The following NSD1 variants were observed in gnomAD, a reference collection of about 807,000 sequenced individuals.
The protein encoded by NSD1 is histone-lysine N-methyltransferase, H3 lysine-36 specific.
A neutral mutation model predicts 242.7 loss-of-function variants in NSD1; 26 were observed. That is an observed-to-expected ratio of 0.11 (90% CI 0.08 to 0.15). NSD1 has a LOEUF of 0.15. NSD1 is among the 10% of genes least tolerant of loss of function. NSD1 has a pLI of 1.00. For synonymous variants in NSD1, 1,106 were observed against 1,178.1 expected, an observed-to-expected ratio of 0.94 and a Z score of 1.25; for missense variants, 2,495 against 3,272.8, an observed-to-expected ratio of 0.76 and a Z score of 5.80.
chr5:177,259,977 T>A lies in NSD1; in HGVS notation c.4967-12T>A, dbSNP rs1424848993. ...GTTTTTCTTTTGCTTGTCCCTGATT[T>A]TCCTGCTTTAGGTCGGTTGATGCGC... On this transcript the variant is annotated splice_polypyrimidine_tract_variant and intron_variant, in intron 13 of 22. Transcript: ENST00000439151. 4.3e-6 allele frequency: 7 copies of A among 1,614,088 alleles called. No homozygotes were observed. Among genetic ancestry groups the A allele is most frequent in the African/African-American group, 2.7e-5 (2 of 74,938 alleles).
In NSD1 at chr5:177,254,774, A is replaced by C. The variant is rs529303065; in HGVS notation, c.4766-2177A>C. Among the ~76,000 whole-genome samples, 4 of 107,966 alleles carry C rather than the reference A, an allele frequency of 3.7e-5. No individual in the cohort carries two copies. The East Asian group carries it at 8.4e-4, about 23-fold the overall frequency. The allele number at this position is 107,966 out of a possible 152,430, so 70.8% of individuals were successfully genotyped here. A position where few individuals can be genotyped will look rare whatever the true frequency, so the allele number is the denominator to read the frequency against. On this transcript the variant is annotated intron_variant, in intron 12 of 22. Transcript: ENST00000439151. ...TTTTTTAGTTTCACATTTCACTATTAGGTCTGTGATGTGTTTTGTATTAAA... is the reference window on the plus strand; with the variant it reads ...TTTTTTAGTTTCACATTTCACTATTCGGTCTGTGATGTGTTTTGTATTAAA...
At chr5:177,158,236 A>AATTTATTTCTTT in intron 2 of NSD1, among the ~76,000 whole-genome samples, 1 of 112,928 alleles carries the variant, frequency 8.9e-6, no homozygotes, top group African/African-American at 3.2e-5. Context: ...TATGGGTTCT[A>AATTTATTTCTTT]ATTTCTTTCT....
intron 2 of NSD1, among the ~76,000 whole-genome samples, chr5:177,139,757 C>G (rs1308613990): frequency 6.6e-6 from 1 of 152,038 alleles, no homozygotes; most frequent in Non-Finnish European, 1.5e-5. Context: ...GAGTTTGAAA[C>G]TAGACTGGGC....
chr5:177,205,600 T>C (rs1290042555), intron 4 of NSD1, among the ~76,000 whole-genome samples: 1 of 151,994 alleles, frequency 6.6e-6, no homozygotes, highest in Non-Finnish European at 1.5e-5. Flanking sequence ...TTTAAATACA[T>C]TTATAATGGT....
intron 2 of NSD1, among the ~76,000 whole-genome samples, chr5:177,150,454 C>T (rs145998038): frequency 4.8e-4 from 73 of 151,630 alleles, no homozygotes; most frequent in Non-Finnish European, 9.2e-4. Flanking sequence ...GAAAACGTTG[C>T]TTCCATTTTT....
chr5:177,295,057 T>A lies in NSD1; in HGVS notation c.7689T>A (p.Ala2563=), dbSNP rs1360648872. 1 of 1,613,382 alleles carries A rather than the reference T, an allele frequency of 6.2e-7. No homozygotes were observed. Among genetic ancestry groups the A allele is most frequent in the Non-Finnish European group, 8.5e-7 (1 of 1,179,712 alleles). ...TQASGRASAG[A]EQTPGPLSQS... Reference sequence around the variant, plus strand: ...CCTCAGGAAGAGCTTCTGCAGGGGCTGAGCAGACCCCAGGGCCTCTTAGCC... The same window carrying A: ...CCTCAGGAAGAGCTTCTGCAGGGGCAGAGCAGACCCCAGGGCCTCTTAGCC... Residue 2563 remains alanine, a synonymous_variant, in exon 23 of 23, where the codon GCT becomes GCA. Coordinates refer to ENST00000439151, the MANE Select transcript of NSD1 (RefSeq NM_022455.5). The surrounding 1 kb of genome is among the most constrained non-coding windows in gnomAD (Gnocchi z 4.3).
chr5:177,210,381 G>A lies in NSD1; in HGVS notation c.1982G>A (p.Ser661Asn). 6.2e-7 allele frequency: 1 copy of A among 1,614,152 alleles called. No individual in the cohort carries two copies. The highest frequency in any genetic ancestry group is 8.5e-7 in the Non-Finnish European group (1 of 1,180,034). The part of the protein sequence containing the change: ...PIEHSSESDN[S>N]VLEIPDAFDR... ...GAACACAGCTCAGAGTCTGATAACA[G>A]TGTCCTTGAAATTCCAGATGCTTTC... The change falls in exon 5 of 23, where the codon AGT becomes AAT. Residue 661 changes from serine to asparagine, a missense_variant. By Grantham distance (46) the Ser-to-Asn change is conservative. Transcript: ENST00000439151.
chr5:177,190,981 CTTTTTT>C (rs1182246710), intron 2 of NSD1, among the ~76,000 whole-genome samples: 1 of 71,172 alleles, frequency 1.4e-5, no homozygotes, highest in Admixed American at 1.7e-4. Context: ...TTTTTTTTTT[CTTTTTT>C]TTTTTTGAAG....
chr5:177,179,546 A>G lies in NSD1; in HGVS notation c.928-12338A>G, dbSNP rs184476010. On this transcript the variant is annotated intron_variant, in intron 2 of 22. Transcript: ENST00000439151. The stretch of plus-strand genomic sequence containing the variant: ...GTTTTTTAAATTTTTATGTTTCCAA[A>G]TAAATCATACACAGAGCACAAGTAT... Among the ~76,000 whole-genome samples, 17 of 152,312 alleles carry G rather than the reference A, an allele frequency of 1.1e-4. No individual in the cohort carries two copies. In the East Asian group the frequency reaches 2.9e-3, roughly 26 times the overall value.
At position 177,134,497 on chromosome 5, in the gene NSD1, C is replaced by T. The variant is rs1240508555; in HGVS notation, c.-18+545C>T. On this transcript the variant is annotated intron_variant, in intron 1 of 22. Coordinates refer to ENST00000439151, the MANE Select transcript of NSD1 (RefSeq NM_022455.5). The surrounding 1 kb of genome is among the most constrained non-coding windows in gnomAD (Gnocchi z 4.2). ...GCCGGGTCCAGGCCTCTTCGCCCTG[C>T]AGCTGCGGATCCAGCAGGCCTGCAT... is the stretch of plus-strand genomic sequence containing the variant. Among the ~76,000 whole-genome samples, 2 of 152,182 alleles carry T rather than the reference C, an allele frequency of 1.3e-5. No homozygotes were observed. Among genetic ancestry groups the T allele is most frequent in the African/African-American group, 2.4e-5 (1 of 41,458 alleles).
chr5:177,234,297 A>G (rs942571555), intron 5 of NSD1, among the ~76,000 whole-genome samples: 11 of 152,200 alleles, frequency 7.2e-5, no homozygotes, highest in African/African-American at 2.4e-4. Context: ...GTGATAATGA[A>G]GATGACATTA....
At chr5:177,167,815 A>G (rs1415204405) in intron 2 of NSD1, among the ~76,000 whole-genome samples, 1 of 152,146 alleles carries the variant, frequency 6.6e-6, no homozygotes, top group Non-Finnish European at 1.5e-5. Flanking sequence ...CAACTTAACG[A>G]TATTTTCGAC....
intron 13 of NSD1, among the ~76,000 whole-genome samples, chr5:177,258,352 G>A (rs1459361000): frequency 6.6e-6 from 1 of 151,816 alleles, no homozygotes; most frequent in East Asian, 1.9e-4. Flanking sequence ...TGGGGGTTTC[G>A]TGTTGATTTG....
intron 14 of NSD1, chr5:177,265,848 G>T: frequency 7.0e-7 from 1 of 1,426,526 alleles, no homozygotes; most frequent in South Asian, 1.1e-5. Context: ...ACCTGGGTGT[G>T]CACGTAGTCA....
intron 2 of NSD1, among the ~76,000 whole-genome samples, chr5:177,169,927 C>A (rs1188205739): frequency 6.7e-6 from 1 of 149,188 alleles, no homozygotes; most frequent in Non-Finnish European, 1.5e-5. Context: ...TTTTTTCTGT[C>A]TGTTGAGGTT....
In NSD1 at chr5:177,160,908, ACAGCCATGAGC is replaced by A. The variant is rs1266276852; in HGVS notation, c.927+24881_927+24891del. On this transcript the variant is annotated intron_variant, in intron 2 of 22. Transcript: ENST00000439151. ...CTCAGCCTCCCAAGTAGCTGGGACT[ACAGCCATGAGC>A]CACCACGCCCAGCTAATTTTTGTGT... Among the ~76,000 whole-genome samples, 3 of 151,968 alleles carry A rather than the reference ACAGCCATGAGC, an allele frequency of 2.0e-5. No homozygotes were observed. In the East Asian group the frequency reaches 5.8e-4, roughly 29 times the overall value.
At chr5:177,212,246 T>C in intron 5 of NSD1, 51 bp downstream of exon 5, 1 of 1,564,794 alleles carries the variant, frequency 6.4e-7, no homozygotes, top group Non-Finnish European at 8.7e-7. Flanking sequence ...AAAGTGCTGA[T>C]AAACATTGTC....
At chr5:177,266,985 C>T (rs1757538508) in intron 14 of NSD1, among the ~76,000 whole-genome samples, 1 of 152,210 alleles carries the variant, frequency 6.6e-6, no homozygotes, top group Non-Finnish European at 1.5e-5. Context: ...CTGTCTTAGC[C>T]TCCCGAGTAG....
rs1438942189 is a variant in NSD1, at chr5:177,265,478, G to GGGGA, written c.5147-2074_5147-2071dup. 42 of 632,826 alleles carry GGGGA rather than the reference G, an allele frequency of 6.6e-5. No homozygotes were observed. The East Asian group carries it at 9.5e-4, about 14-fold the overall frequency. The allele number at this position is 632,826 out of a possible 1,614,324, so 39.2% of individuals were successfully genotyped here. ...GCCCAGGCCCCTAAAACCTCCTCTG[G>GGGGA]GGGAGGGAGGGAGAGAGAGAGGAAG... On this transcript the variant is annotated intron_variant, in intron 14 of 22. Transcript: ENST00000439151.
Sources: gnomAD v4.1 joint callset for allele counts (sites outside exome capture counted in the v4.1 genomes callset) on GRCh38, gnomAD v4.1.1 for gene constraint, Gnocchi (gnomAD v3.1) non-coding constraint, MANE v1.5 for transcripts, NCBI Gene and HGNC (gene_info 2026-07-23, HGNC 2026-07-21) for gene names.